SCN1B: variants seen among roughly 807,000 people sequenced by gnomAD.
The protein encoded by SCN1B is sodium voltage-gated channel beta subunit 1.
SCN1B carries 11 observed loss-of-function variants against 25.7 expected under a neutral mutation model. The observed-to-expected ratio is 0.43, with a 90% CI of 0.27 to 0.71. SCN1B has a LOEUF of 0.71. SCN1B is among the 30% of genes least tolerant of loss of function. The pLI, the probability that SCN1B is intolerant of heterozygous loss-of-function variation, is 0.21. For synonymous variants in SCN1B, 119 were observed against 117.5 expected, an observed-to-expected ratio of 1.01 and a Z score of -0.08; for missense variants, 224 against 291.5, an observed-to-expected ratio of 0.77 and a Z score of 1.69.
intron 2 of SCN1B, 55 bp from the exon 3 acceptor site, chr19:35,033,443 AG>A: frequency 6.2e-7 from 1 of 1,610,496 alleles, no homozygotes; most frequent in Non-Finnish European, 8.5e-7. Context: ...AATCAGGGTC[AG>A]GTAAGGGAAG....
chr19:35,039,026 CCACTCAT>C, intron 3 of SCN1B, 84 bp from the exon 4 acceptor site: 1 of 1,455,644 alleles, frequency 6.9e-7, no homozygotes, highest in Non-Finnish European at 9.6e-7. Flanking sequence ...GGAGGTTGAG[CCACTCAT>C]CCAAGCTCAC....
At chr19:35,039,500 C>A in intron 4 of SCN1B, 135 bp from the exon 5 acceptor site, 1 of 1,020,412 alleles carries the variant, frequency 9.8e-7, no homozygotes, top group Non-Finnish European at 1.5e-6. Flanking sequence ...CCTGAGGAGT[C>A]CACCCATAGA....
chr19:35,038,679 G>A (rs1340065870), intron 3 of SCN1B: 1 of 264,088 alleles, frequency 3.8e-6, no homozygotes, highest in East Asian at 9.4e-5. Flanking sequence ...CCTTCACTGA[G>A]TGCCATTTAT....
At chr19:35,030,926 G>C (rs1336701309) in intron 1 of SCN1B, 66 bp downstream of exon 1, 9 of 259,248 alleles carry the variant, frequency 3.5e-5, no homozygotes, top group Admixed American at 5.8e-5. Flanking sequence ...CGGCGGGAGT[G>C]GCGCTCGGGA....
At chr19:35,039,579 G>C (rs1406604515) in intron 4 of SCN1B, 56 bp from the exon 5 acceptor site, 40 of 1,575,714 alleles carry the variant, frequency 2.5e-5, no homozygotes, top group Non-Finnish European at 3.4e-5. Flanking sequence ...CCCATCCCCC[G>C]GGGGTTGGGT....
Position 35,033,791 on chromosome 19 carries a change from G to C in SCN1B, c.448+52G>C, listed in dbSNP as rs2151746548. 4 of 1,613,638 alleles carry C rather than the reference G, an allele frequency of 2.5e-6. No individual in the cohort carries two copies. The East Asian group carries it at 8.9e-5, about 36-fold the overall frequency. Reference sequence around the variant, plus strand: ...ACCGTCACCCACCGGAGAGCCAGATGGAGGGACAGATGGCAGGCAGTGGAC... The same window carrying C: ...ACCGTCACCCACCGGAGAGCCAGATCGAGGGACAGATGGCAGGCAGTGGAC... On this transcript the variant is annotated intron_variant, in intron 3 of 5. Coordinates refer to ENST00000262631, the MANE Select transcript of SCN1B (RefSeq NM_001037.5).
At chr19:35,039,090 C>T in intron 3 of SCN1B, 27 bp from the exon 4 acceptor site, 1 of 1,613,928 alleles carries the variant, frequency 6.2e-7, no homozygotes, top group Non-Finnish European at 8.5e-7. Context: ...CCTGGGCTAC[C>T]CCCTTAACCC....
At chr19:35,039,000 C>A (rs2064265332) in intron 3 of SCN1B, 117 bp from the exon 4 acceptor site, 1 of 1,191,388 alleles carries the variant, frequency 8.4e-7, no homozygotes, top group African/African-American at 1.5e-5. Context: ...AATCACAGTG[C>A]ATACACCAGG....
chr19:35,031,666 G>T, intron 1 of SCN1B: 1 of 152,722 alleles, frequency 6.5e-6, no homozygotes. Flanking sequence ...GGGACCGCAG[G>T]GGAGGCGGAT....
At chr19:35,034,763 C>T (rs2064238045) in intron 3 of SCN1B, 2 of 152,458 alleles carry the variant, frequency 1.3e-5, no homozygotes, top group Non-Finnish European at 2.9e-5. Context: ...CTTCCTATCC[C>T]CATTTTACGG....
At chr19:35,035,613 T>C (rs1216221306) in intron 3 of SCN1B, 1 of 151,642 alleles carries the variant, frequency 6.6e-6, no homozygotes, top group Non-Finnish European at 1.5e-5. Context: ...TTTTTTAGGA[T>C]TGCCCACTGT....
rs748563587 is a variant in SCN1B, at chr19:35,039,989, C to A, written c.*198C>A. ...TCGCCTCCTCCAGCTCCTGCCCCGC[C>A]GGCCGCGCACCGCCATGCATGATGG... On this transcript the variant is annotated 3_prime_UTR_variant, in exon 6 of 6. Transcript: ENST00000262631. 11 of 502,054 alleles carry A rather than the reference C, an allele frequency of 2.2e-5. No individual in the cohort carries two copies. In the Admixed American group the frequency reaches 3.6e-4, roughly 16 times the overall value. The allele number at this position is 502,054 out of a possible 1,614,324, so 31.1% of individuals were successfully genotyped here.
chr19:35,039,136 C>T lies in SCN1B; in HGVS notation c.468C>T (p.Ser156=). Residue 156 remains serine, a synonymous_variant, in exon 4 of 6, where the codon TCC becomes TCT. Coordinates refer to ENST00000262631, the MANE Select transcript of SCN1B (RefSeq NM_001037.5). The stretch of plus-strand genomic sequence containing the variant: ...CTGCAGCCAACAGAGACATGGCATC[C>T]ATCGTGTCTGAGATCATGATGTATG... ...VVDKANRDMA[S]IVSEIMMYVL... 6.2e-7 allele frequency: 1 copy of T among 1,614,210 alleles called. No homozygotes were observed. Among genetic ancestry groups the T allele is most frequent in the Non-Finnish European group, 8.5e-7 (1 of 1,180,034 alleles).
chr19:35,032,827 T>A lies in SCN1B; in HGVS notation c.207+133T>A. The stretch of plus-strand genomic sequence containing the variant: ...TGCTGACCTGGATTCAGATTCTGGC[T>A]CCACCAGTGGCCAGCTGGTGACCTT... On this transcript the variant is annotated intron_variant, in intron 2 of 5. Coordinates refer to ENST00000262631, the MANE Select transcript of SCN1B (RefSeq NM_001037.5). This position sits in a 1 kb window ranked among gnomAD's most constrained non-coding sequence, Gnocchi z 4.3. 8.9e-6 allele frequency: 10 copies of A among 1,124,796 alleles called. No individual in the cohort carries two copies. The South Asian group carries it at 1.1e-4, about 12-fold the overall frequency. The allele number at this position is 1,124,796 out of a possible 1,614,324, so 69.7% of individuals were successfully genotyped here. A position where few individuals can be genotyped will look rare whatever the true frequency, so the allele number is the denominator to read the frequency against.
chr19:35,039,517 C>A (rs2064271417), intron 4 of SCN1B, 118 bp from the exon 5 acceptor site: 1 of 1,091,074 alleles, frequency 9.2e-7, no homozygotes, highest in Non-Finnish European at 1.4e-6. Context: ...TAGACTCCTT[C>A]TCTCTCTAAC....
intron 3 of SCN1B, chr19:35,034,069 A>C: frequency 6.4e-7 from 1 of 1,550,760 alleles, no homozygotes; most frequent in African/African-American, 1.4e-5. Context: ...CGGGATAATA[A>C]TCCGATGTGT....
At chr19:35,035,332 C>T (rs1353955310) in intron 3 of SCN1B, 1 of 151,592 alleles carries the variant, frequency 6.6e-6, no homozygotes, top group East Asian at 1.9e-4. Flanking sequence ...TATTATTGCC[C>T]AGGCTGGAGT....
intron 3 of SCN1B, chr19:35,036,906 C>T (rs957087808): frequency 4.6e-5 from 7 of 152,040 alleles, no homozygotes; most frequent in Non-Finnish European, 7.3e-5. Context: ...AGGCACGCGC[C>T]ACCACGCCCG....
chr19:35,034,350 A>G (rs2064235583), intron 3 of SCN1B: 2 of 563,724 alleles, frequency 3.5e-6, no homozygotes. Flanking sequence ...GGGCGGGCCT[A>G]GGGGTCCTTT....
Sources: allele counts gnomAD v4.1 joint callset, GRCh38; gene constraint gnomAD v4.1.1; non-coding constraint Gnocchi (gnomAD v3.1); transcripts MANE v1.5; gene names NCBI Gene and HGNC (gene_info 2026-07-23, HGNC 2026-07-21).